Variants in POGLUT3 observed in about 807,000 individuals in gnomAD.
The protein encoded by POGLUT3 is KDEL (Lys-Asp-Glu-Leu) containing 2.
POGLUT3 carries 48 observed loss-of-function variants against 54.3 expected under a neutral mutation model. That is an observed-to-expected ratio of 0.88 (90% CI 0.70 to 1.12). POGLUT3 has a LOEUF of 1.12. Among genes scored for constraint, POGLUT3 ranks in the 50% most tolerant of loss-of-function variants. The pLI is 0.00. For synonymous variants in POGLUT3, 218 were observed against 237.4 expected, an observed-to-expected ratio of 0.92 and a Z score of 0.75; for missense variants, 629 against 618.7, an observed-to-expected ratio of 1.02 and a Z score of -0.18.
chr11:108,482,504 A>C lies in POGLUT3; in HGVS notation c.685-282T>G, dbSNP rs962339910. On this transcript the variant is annotated intron_variant, in intron 3 of 7. Transcript: ENST00000323468. Reference sequence around the variant, plus strand: ...CGTGGTGGCTCACACCTGTAATCCCAGCACTTTGGGAGGTTGAGGCGAGTG... The same window carrying C: ...CGTGGTGGCTCACACCTGTAATCCCCGCACTTTGGGAGGTTGAGGCGAGTG... Among the ~76,000 whole-genome samples, 41 of 152,242 alleles carry C rather than the reference A, an allele frequency of 2.7e-4. 1 individual carries two copies. Among genetic ancestry groups the C allele is most frequent in the Middle Eastern group, 6.8e-3 (2 of 294 alleles).
chr11:108,475,053 G>T (rs2093578060), intron 7 of POGLUT3, 101 bp from the exon 8 acceptor site: 1 of 1,272,368 alleles, frequency 7.9e-7, no homozygotes, highest in Non-Finnish European at 1.1e-6. Context: ...TTTTCTAGTT[G>T]CTGTGTGTCT....
In POGLUT3 at chr11:108,477,663, C is replaced by T; in HGVS notation, c.1342G>A (p.Ala448Thr). ...CTGTGTGGCTGTAGTAGGTCCCTAG[C>T]CATCAACTGTCCTTCTTTTGCAATC... ...KKIAKEGQLM[A>T]RDLLQPHRLY... The change falls in exon 7 of 8, where the codon GCT becomes ACT. Residue 448 changes from alanine (A) to threonine (T), a missense_variant. Transcript: ENST00000323468. The T allele has an allele frequency of 6.2e-7, 1 of 1,613,576 alleles. No individual in the cohort carries two copies. The highest frequency in any genetic ancestry group is 8.5e-7 in the Non-Finnish European group (1 of 1,179,612).
chr11:108,490,904 A>G, intron 2 of POGLUT3, 66 bp downstream of exon 2: 1 of 1,216,112 alleles, frequency 8.2e-7, no homozygotes, highest in East Asian at 2.3e-5. Flanking sequence ...CATCAGGTTT[A>G]GGCCATTCTG....
Position 108,479,301 on chromosome 11 carries a change from C to A in POGLUT3, c.1293G>T (p.Lys431Asn). Residue 431 changes from lysine to asparagine, a missense_variant and splice_region_variant, in exon 6 of 8, where the codon AAG becomes AAT. By Grantham distance (94) the Lys-to-Asn change is moderately conservative. Coordinates refer to ENST00000323468, the MANE Select transcript of POGLUT3 (RefSeq NM_153705.5). The stretch of plus-strand genomic sequence containing the variant: ...GAAATAAAAATTGCTGGACGCATAC[C>A]TTAGCCCATTTAACTTTCTCTAATA... ...SDLLEKVKWA[K>N]ENDEEAKKIA... 2 of 1,606,390 alleles carry A rather than the reference C, an allele frequency of 1.2e-6. No homozygotes were observed. Among genetic ancestry groups the A allele is most frequent in the Non-Finnish European group, 1.7e-6 (2 of 1,177,444 alleles).
intron 5 of POGLUT3, among the ~76,000 whole-genome samples, chr11:108,480,919 G>A (rs919763034): frequency 1.3e-5 from 2 of 150,266 alleles, no homozygotes; most frequent in Non-Finnish European, 3.0e-5. Context: ...AAAGAAAAAC[G>A]AGACATAAAT....
At chr11:108,494,343 C>G (rs1439610157) in intron 1 of POGLUT3, among the ~76,000 whole-genome samples, 1 of 152,198 alleles carries the variant, frequency 6.6e-6, no homozygotes, top group African/African-American at 2.4e-5. Flanking sequence ...GAAACAAAAT[C>G]CCAGAAGGCT....
Position 108,474,031 on chromosome 11 carries a change from C to A in POGLUT3, c.*796G>T, listed in dbSNP as rs996278840. On this transcript the variant is annotated 3_prime_UTR_variant, in exon 8 of 8. Coordinates refer to ENST00000323468, the MANE Select transcript of POGLUT3 (RefSeq NM_153705.5). ...TGTTATTAATGAAAGCCAAAAGCAG[C>A]TTGTAAGAGGAGAAATTATGCAGTG... 2.6e-5 allele frequency: 4 copies of A among 151,316 alleles called. No homozygotes were observed. The highest frequency in any genetic ancestry group is 4.9e-5 in the African/African-American group (2 of 41,106). 9.4% of individuals were successfully genotyped at this position (151,316 alleles called of 1,614,324 possible).
rs994308356 is a variant in POGLUT3 at position 108,473,151 on chromosome 11, G to A, written c.*1676C>T. ...AGCTCACTGCAACCTCTGCCTCCCA[G>A]GTTCAAGTGATTCTCCTGCCTCAGC... is the stretch of plus-strand genomic sequence containing the variant. On this transcript the variant is annotated 3_prime_UTR_variant, in exon 8 of 8. Coordinates refer to ENST00000323468, the MANE Select transcript of POGLUT3 (RefSeq NM_153705.5). 1 of 152,198 alleles carries A rather than the reference G, an allele frequency of 6.6e-6. No homozygotes were observed. The highest frequency in any genetic ancestry group is 2.4e-5 in the African/African-American group (1 of 41,434). The allele number at this position is 152,198 out of a possible 1,614,324, so 9.4% of individuals were successfully genotyped here. A position where few individuals can be genotyped will look rare whatever the true frequency, so the allele number is the denominator to read the frequency against.
chr11:108,484,193 C>T (rs1294972236), intron 3 of POGLUT3, among the ~76,000 whole-genome samples: 1 of 152,052 alleles, frequency 6.6e-6, no homozygotes, highest in African/African-American at 2.4e-5. Flanking sequence ...GGCAAATGTC[C>T]TCTGAGGGGC....
intron 3 of POGLUT3, among the ~76,000 whole-genome samples, chr11:108,483,179 C>T (rs2135852901): frequency 6.6e-6 from 1 of 152,334 alleles, no homozygotes; most frequent in Admixed American, 6.5e-5. Context: ...AAGCCTATGG[C>T]ACAAGATCTC....
intron 1 of POGLUT3, among the ~76,000 whole-genome samples, chr11:108,495,133 G>C (rs1565752365): frequency 6.6e-6 from 1 of 152,218 alleles, no homozygotes; most frequent in Non-Finnish European, 1.5e-5. Context: ...TCGAATGGGA[G>C]TGATAATAAG....
At chr11:108,486,081 T>C in intron 3 of POGLUT3, 76 bp downstream of exon 3, 3 of 1,210,400 alleles carry the variant, frequency 2.5e-6, no homozygotes, top group Non-Finnish European at 3.5e-6. Context: ...TTTCATCCTT[T>C]GTCATTATAA....
At position 108,472,636 on chromosome 11, in the gene POGLUT3, G is replaced by C. The variant is rs568451639; in HGVS notation, c.*2191C>G. ...GTCTCAACTTGCTTTTAACTATTAG[G>C]CCTGTTTGGCAGAGGCAATATAAAT... On this transcript the variant is annotated 3_prime_UTR_variant, in exon 8 of 8. Coordinates refer to ENST00000323468, the MANE Select transcript of POGLUT3 (RefSeq NM_153705.5). 66 of 152,180 alleles carry C rather than the reference G, an allele frequency of 4.3e-4. No homozygotes were observed. The highest frequency in any genetic ancestry group is 1.5e-3 in the African/African-American group (64 of 41,492). The allele number at this position is 152,180 out of a possible 1,614,324, so 9.4% of individuals were successfully genotyped here.
rs1006141828 is a variant in POGLUT3, at chr11:108,473,552, T to C, written c.*1275A>G. ...ATCGTAGCAACGACACCCACTGAAA[T>C]AGAAAAGTGGTGGAGTGAGGAATGG... is the stretch of plus-strand genomic sequence containing the variant. On this transcript the variant is annotated 3_prime_UTR_variant, in exon 8 of 8. Coordinates refer to ENST00000323468, the MANE Select transcript of POGLUT3 (RefSeq NM_153705.5). The C allele has an allele frequency of 5.9e-5, 9 of 152,188 alleles. No individual in the cohort carries two copies. The highest frequency in any genetic ancestry group is 2.2e-4 in the African/African-American group (9 of 41,440). 9.4% of individuals were successfully genotyped at this position (152,188 alleles called of 1,614,324 possible). A position where few individuals can be genotyped will look rare whatever the true frequency, so the allele number is the denominator to read the frequency against.
rs772948158 is a variant in POGLUT3, at chr11:108,498,349, C to T, written c.18G>A (p.Arg6=). The T allele has an allele frequency of 2.3e-6, 3 of 1,328,712 alleles. No individual in the cohort carries two copies. The highest frequency in any genetic ancestry group is 1.9e-6 in the Non-Finnish European group (2 of 1,042,630). The allele number at this position is 1,328,712 out of a possible 1,614,324, so 82.3% of individuals were successfully genotyped here. Residue 6 remains arginine, a synonymous_variant, in exon 1 of 8, where the codon CGG becomes CGA. Transcript: ENST00000323468. ...CGAGGCGCAGCTGCAGCAGCAGGGCCCGCGGGAGGCGGCGCATGGTCGGCG... is the reference window on the plus strand; with the variant it reads ...CGAGGCGCAGCTGCAGCAGCAGGGCTCGCGGGAGGCGGCGCATGGTCGGCG... The part of the protein sequence containing the change: MRRLP[R]ALLLQLRLAL...
chr11:108,481,218 CA>C lies in POGLUT3; in HGVS notation c.1059del (p.Gly354GlufsTer5). The C allele has an allele frequency of 6.2e-7, 1 of 1,610,438 alleles. No individual in the cohort carries two copies. ...YFFFQEKEKELGKAKLMGFFD... is the reference protein window; with the variant it reads ...YFFFQEKEKEXGKAKLMGFFD... Reference sequence around the variant, plus strand: ...AAGAAACCCATCAACTTGGCTTTTCCAAGCTCCTTTTCTTTCTCTTGGAAAA... The same window carrying C: ...AAGAAACCCATCAACTTGGCTTTTCCAGCTCCTTTTCTTTCTCTTGGAAAA... On this transcript the variant is annotated frameshift_variant, in exon 5 of 8. Coordinates refer to ENST00000323468, the MANE Select transcript of POGLUT3 (RefSeq NM_153705.5). LOFTEE classifies it high-confidence loss of function.
chr11:108,480,625 C>T (rs1203839726), intron 5 of POGLUT3, among the ~76,000 whole-genome samples: 2 of 152,136 alleles, frequency 1.3e-5, no homozygotes, highest in African/African-American at 4.8e-5. Context: ...TTGAGCCCAT[C>T]AGGTTTTGTC....
chr11:108,476,849 TA>T (rs1454164851), intron 7 of POGLUT3, among the ~76,000 whole-genome samples: 1 of 152,152 alleles, frequency 6.6e-6, no homozygotes, highest in Non-Finnish European at 1.5e-5. Context: ...CCTTGTACTA[TA>T]AAAGGCATGA....
At chr11:108,497,740 C>T (rs1407331820) in intron 1 of POGLUT3, among the ~76,000 whole-genome samples, 2 of 152,198 alleles carry the variant, frequency 1.3e-5, no homozygotes, top group African/African-American at 4.8e-5. Flanking sequence ...GATTTCGTTG[C>T]TCCAAACCCA....
Sources: allele counts gnomAD v4.1 joint callset (sites outside exome capture counted in the v4.1 genomes callset), GRCh38; gene constraint gnomAD v4.1.1; transcripts MANE v1.5; gene names NCBI Gene and HGNC (gene_info 2026-07-23, HGNC 2026-07-21).